Variants in ITFG1 observed in about 807,000 individuals in gnomAD.
ITFG1 encodes integrin alpha FG-GAP repeat containing 1.
Under a neutral mutation model 81.8 loss-of-function variants are expected in ITFG1, and 34 were observed. The ratio of observed to expected loss-of-function variants is 0.42; its 90% confidence interval spans 0.32 to 0.55. ITFG1 has a LOEUF of 0.55. Ranked by LOEUF, ITFG1 falls within the 20% of genes least tolerant of loss-of-function variation. The pLI, the probability that ITFG1 is intolerant of heterozygous loss-of-function variation, is 0.17. For synonymous variants in ITFG1, 285 were observed against 270.6 expected (o/e 1.05, Z -0.52); for missense variants, 672 against 755.4 (o/e 0.89, Z 1.29).
intron 9 of ITFG1, chr16:47,312,579 T>C (rs1485311435): frequency 6.6e-6 from 1 of 152,198 alleles, no homozygotes; most frequent in Non-Finnish European, 1.5e-5. Context: ...ATTTTATATA[T>C]CATTAAAATG....
chr16:47,269,269 TC>T (rs1007614401), intron 10 of ITFG1, among the ~76,000 whole-genome samples: 13 of 152,136 alleles, frequency 8.5e-5, no homozygotes, highest in African/African-American at 3.1e-4. Context: ...TCATATGAGA[TC>T]TAGGAAAAAA....
At chr16:47,455,210 C>A (rs1327509839) in intron 2 of ITFG1, among the ~76,000 whole-genome samples, 1 of 152,150 alleles carries the variant, frequency 6.6e-6, no homozygotes, top group South Asian at 2.1e-4. Context: ...CTAGGCAATA[C>A]ATTTCCAATT....
chr16:47,348,192 C>T lies in ITFG1; in HGVS notation c.802+17596G>A, dbSNP rs573494923. 3.7e-4 allele frequency among the ~76,000 whole-genome samples: 56 copies of T among 152,212 alleles called. No homozygotes were observed. The South Asian group carries it at 6.2e-3, about 17-fold the overall frequency. On this transcript the variant is annotated intron_variant, in intron 8 of 17. Transcript: ENST00000320640. ...AAGGAACGCAACTCCTCACCAGCAA[C>T]GGAACAAAGCTGGACGGAGAATAAC...
intron 12 of ITFG1, among the ~76,000 whole-genome samples, chr16:47,257,901 G>T (rs905150696): frequency 2.0e-5 from 3 of 152,144 alleles, no homozygotes; most frequent in Non-Finnish European, 4.4e-5. Flanking sequence ...TGGGACAAGG[G>T]GGGTACAAGA....
intron 8 of ITFG1, among the ~76,000 whole-genome samples, chr16:47,358,835 T>G (rs1024577177): frequency 7.9e-5 from 12 of 152,184 alleles, no homozygotes; most frequent in Admixed American, 3.3e-4. Context: ...GCTTGAGAGA[T>G]ATAATGGTGG....
intron 5 of ITFG1, among the ~76,000 whole-genome samples, chr16:47,435,334 T>C (rs1355527642): frequency 1.3e-5 from 2 of 152,132 alleles, no homozygotes; most frequent in Admixed American, 1.3e-4. Flanking sequence ...AGGTCACACA[T>C]AAAAACTGCT....
chr16:47,220,517 G>A (rs1160078159), intron 13 of ITFG1, among the ~76,000 whole-genome samples: 1 of 152,156 alleles, frequency 6.6e-6, no homozygotes, highest in Non-Finnish European at 1.5e-5. Context: ...GCTTCTAAGT[G>A]AATATTTTAA....
intron 12 of ITFG1, among the ~76,000 whole-genome samples, chr16:47,253,650 T>G (rs1015072701): frequency 1.3e-5 from 2 of 152,186 alleles, no homozygotes; most frequent in African/African-American, 4.8e-5. Flanking sequence ...CAGGCATTAG[T>G]TAGATTCTCA....
At chr16:47,408,485 G>C (rs1461795129) in intron 6 of ITFG1, among the ~76,000 whole-genome samples, 2 of 152,146 alleles carry the variant, frequency 1.3e-5, no homozygotes, top group Non-Finnish European at 2.9e-5. Flanking sequence ...AGTTTTACAA[G>C]AAGTAGAGAA....
chr16:47,244,110 GATTTC>G (rs748945307), intron 12 of ITFG1, among the ~76,000 whole-genome samples: 2 of 152,234 alleles, frequency 1.3e-5, no homozygotes, highest in Non-Finnish European at 2.9e-5. Context: ...CATCCTGTAT[GATTTC>G]ATTTACATCA....
At chr16:47,306,319 C>G (rs1967157868) in intron 10 of ITFG1, among the ~76,000 whole-genome samples, 1 of 152,060 alleles carries the variant, frequency 6.6e-6, no homozygotes, top group Non-Finnish European at 1.5e-5. Context: ...CCACCAGAAA[C>G]ATTTCAACAA....
chr16:47,421,450 G>A (rs189430827), intron 6 of ITFG1, among the ~76,000 whole-genome samples: 19 of 151,910 alleles, frequency 1.3e-4, no homozygotes, highest in Non-Finnish European at 2.2e-4. Context: ...GACTACAGGC[G>A]CGTACCAACA....
intron 10 of ITFG1, among the ~76,000 whole-genome samples, chr16:47,288,123 T>A (rs991271012): frequency 6.6e-6 from 1 of 152,202 alleles, no homozygotes; most frequent in Non-Finnish European, 1.5e-5. Context: ...ATAACCTCTA[T>A]CTTAAGTAAC....
intron 6 of ITFG1, among the ~76,000 whole-genome samples, chr16:47,391,751 G>T (rs1968534236): frequency 6.6e-6 from 1 of 152,100 alleles, no homozygotes; most frequent in Non-Finnish European, 1.5e-5. Flanking sequence ...ATTACTGAAG[G>T]ATTTGGTTAT....
At chr16:47,185,787 C>T (rs1019514802) in intron 14 of ITFG1, among the ~76,000 whole-genome samples, 9 of 152,032 alleles carry the variant, frequency 5.9e-5, no homozygotes, top group African/African-American at 1.7e-4. Context: ...AATAGGGACA[C>T]AAAAAACCCT....
chr16:47,279,481 C>G (rs1046008108), intron 10 of ITFG1, among the ~76,000 whole-genome samples: 3 of 152,114 alleles, frequency 2.0e-5, no homozygotes, highest in Non-Finnish European at 1.5e-5. Flanking sequence ...CTAAGTTATT[C>G]CACTGATCTA....
Position 47,191,118 on chromosome 16 carries a change from G to A in ITFG1, c.1453+27750C>T, listed in dbSNP as rs139111782. ...ATACTGGGGAGGCATGAATTATTGG[G>A]GGCCATTAGTGTAGCATTTTATACC... On this transcript the variant is annotated intron_variant, in intron 14 of 17. Coordinates refer to ENST00000320640, the MANE Select transcript of ITFG1 (RefSeq NM_030790.5). Among the ~76,000 whole-genome samples, 494 of 152,200 alleles carry A rather than the reference G, an allele frequency of 3.2e-3. 2 individuals are homozygous for A. Among genetic ancestry groups the A allele is most frequent in the African/African-American group, 0.011 (468 of 41,534 alleles).
At chr16:47,453,388 CT>C (rs1235288611) in intron 3 of ITFG1, among the ~76,000 whole-genome samples, 1 of 152,170 alleles carries the variant, frequency 6.6e-6, no homozygotes, top group Non-Finnish European at 1.5e-5. Flanking sequence ...CATACTTCAA[CT>C]TTTTTGTGCT....
At chr16:47,307,971 T>C (rs1181290815) in intron 10 of ITFG1, among the ~76,000 whole-genome samples, 1 of 152,220 alleles carries the variant, frequency 6.6e-6, no homozygotes, top group Non-Finnish European at 1.5e-5. Context: ...GTAAAGTACA[T>C]GATTTTGTTA....
Sources: allele counts gnomAD v4.1 joint callset (sites outside exome capture counted in the v4.1 genomes callset), GRCh38; gene constraint gnomAD v4.1.1; transcripts MANE v1.5; gene names NCBI Gene and HGNC (gene_info 2026-07-23, HGNC 2026-07-21).